The following NAPA variants were observed in gnomAD, a reference collection of about 807,000 sequenced individuals.
NAPA encodes the protein NSF attachment protein alpha.
A neutral mutation model predicts 48.0 loss-of-function variants in NAPA; 18 were observed. The observed-to-expected ratio is 0.38, with a 90% confidence interval of 0.26 to 0.56. The LOEUF is 0.56. Ranked by LOEUF, NAPA falls within the 20% of genes least tolerant of loss-of-function variation. NAPA has a pLI of 0.77. For missense variants in NAPA, 315 were observed against 385.0 expected (o/e 0.82, Z 1.52); for synonymous variants, 152 against 149.9 (o/e 1.01, Z -0.10).
intron 3 of NAPA, chr19:47,497,127 G>C (rs1217387101): frequency 5.0e-5 from 11 of 221,102 alleles, no homozygotes; most frequent in East Asian, 4.3e-4. Context: ...GAGAGCAGCA[G>C]CTGGAGTGAG....
chr19:47,498,571 C>T (rs2122750990), intron 3 of NAPA, among the ~76,000 whole-genome samples: 1 of 152,326 alleles, frequency 6.6e-6, no homozygotes. Context: ...CACACAGTTG[C>T]TACATGACAT....
intron 10 of NAPA, 29 bp downstream of exon 10, chr19:47,489,682 G>A (rs369515934): frequency 1.2e-5 from 20 of 1,613,104 alleles, no homozygotes; most frequent in Non-Finnish European, 1.6e-5. Flanking sequence ...CCCCGTGAAG[G>A]GGCCTGGCCC....
rs760785008 is a variant in NAPA at position 47,488,243 on chromosome 19, G to C, written c.*45C>G. 1 of 1,532,150 alleles carries C rather than the reference G, an allele frequency of 6.5e-7. No homozygotes were observed. The highest frequency in any genetic ancestry group is 9.0e-7 in the Non-Finnish European group (1 of 1,115,120). The allele number at this position is 1,532,150 out of a possible 1,614,324, so 94.9% of individuals were successfully genotyped here. On this transcript the variant is annotated 3_prime_UTR_variant, in exon 11 of 11. Transcript: ENST00000263354. ...GCAAGTCTCGGCCCCACCTCTCTCT[G>C]AGCAGATGGGACAGGAAGACGGGCA...
At chr19:47,499,130 G>C (rs1434929462) in intron 3 of NAPA, among the ~76,000 whole-genome samples, 1 of 152,226 alleles carries the variant, frequency 6.6e-6, no homozygotes, top group South Asian at 2.1e-4. Flanking sequence ...ACACCCTGCA[G>C]AGTCTCGCTG....
downstream of NAPA, among the ~76,000 whole-genome samples, chr19:47,486,081 C>T (rs1229881754): frequency 6.6e-6 from 1 of 152,170 alleles, no homozygotes; most frequent in Non-Finnish European, 1.5e-5. Context: ...ACAGGCCGGG[C>T]CTGGTGGCTC....
chr19:47,487,214 C>T (rs2122713769), downstream of NAPA, among the ~76,000 whole-genome samples: 1 of 152,326 alleles, frequency 6.6e-6, no homozygotes, highest in East Asian at 1.9e-4. Context: ...ACAGATGGAA[C>T]AACTGTCACC....
intron 3 of NAPA, among the ~76,000 whole-genome samples, chr19:47,499,700 A>G (rs1275672638): frequency 6.6e-6 from 1 of 152,228 alleles, no homozygotes; most frequent in Non-Finnish European, 1.5e-5. Context: ...CTGGGAACTA[A>G]CACGTCAGAT....
rs966988447 is a variant in NAPA, at chr19:47,493,596, G to C, written c.343-103C>G. ...GTTCCCACCCCTCAGCCACGCCTGT[G>C]AGGAGGTATGAAGAAGACCTGAGGT... On this transcript the variant is annotated intron_variant, in intron 4 of 10. Transcript: ENST00000263354. This position sits in a 1 kb window ranked among gnomAD's most constrained non-coding sequence, Gnocchi z 6.4. 1.6e-5 allele frequency: 15 copies of C among 954,292 alleles called. No individual in the cohort carries two copies. The highest frequency in any genetic ancestry group is 2.1e-4 in the Middle Eastern group (1 of 4,764). 59.1% of individuals were successfully genotyped at this position (954,292 alleles called of 1,614,324 possible).
Position 47,492,089 on chromosome 19 carries a change from G to A in NAPA, c.592C>T (p.Leu198Phe), listed in dbSNP as rs756495019. Reference protein sequence around the residue: ...VGTNAMDSPLLKYSAKDYFFK... With the variant: ...VGTNAMDSPLFKYSAKDYFFK... Reference sequence around the variant, plus strand: ...AAGTAGTCTTTGGCGCTGTACTTGAGGAGGGGGCTGTCCATGGCATTGGTC... The same window carrying A: ...AAGTAGTCTTTGGCGCTGTACTTGAAGAGGGGGCTGTCCATGGCATTGGTC... The change falls in exon 8 of 11, where the codon CTC (leucine) becomes TTC (phenylalanine). Residue 198 changes from leucine to phenylalanine, a missense_variant. Leu to Phe is a conservative substitution (Grantham distance 22). This residue lies in a region of NAPA where 137 missense variants were observed against 150.1 expected (regional missense o/e 0.91). Coordinates refer to ENST00000263354, the MANE Select transcript of NAPA (RefSeq NM_003827.4). 8.1e-6 allele frequency: 13 copies of A among 1,614,018 alleles called. No individual in the cohort carries two copies. The African/African-American group carries it at 1.7e-4, about 22-fold the overall frequency.
intron 1 of NAPA, among the ~76,000 whole-genome samples, chr19:47,514,261 T>G (rs1968862498): frequency 6.6e-6 from 1 of 152,040 alleles, no homozygotes; most frequent in Non-Finnish European, 1.5e-5. Flanking sequence ...CATCTAGCCC[T>G]GAGCCCCTCT....
chr19:47,502,636 C>T (rs1968605058), intron 2 of NAPA, among the ~76,000 whole-genome samples: 1 of 152,204 alleles, frequency 6.6e-6, no homozygotes, highest in Non-Finnish European at 1.5e-5. Context: ...CACTGGGTCT[C>T]TTGCCGTATT....
At chr19:47,486,986 A>G (rs1410915796), downstream of NAPA, among the ~76,000 whole-genome samples, 3 of 152,154 alleles carry the variant, frequency 2.0e-5, no homozygotes, top group Non-Finnish European at 4.4e-5. Flanking sequence ...AGCCTCCTTC[A>G]GCTGTCTCCT....
At chr19:47,511,500 G>C (rs1968804452) in intron 1 of NAPA, among the ~76,000 whole-genome samples, 1 of 152,200 alleles carries the variant, frequency 6.6e-6, no homozygotes, top group African/African-American at 2.4e-5. Flanking sequence ...AACAGCCATG[G>C]GAGGACAGTT....
At position 47,514,846 on chromosome 19, in the gene NAPA, A is replaced by C; in HGVS notation, c.95T>G (p.Phe32Cys). ...GACCCCTCAGCCCGGTTCTCACCCA[A>C]AGAGGCCAGAGAAGAAGGACTGCGA... ...KNSQSFFSGL[F>C]GGSSKIEEAC... The change falls in exon 1 of 11, where the codon TTT becomes TGT. Residue 32 changes from phenylalanine (F) to cysteine (C), a missense_variant. Coordinates refer to ENST00000263354, the MANE Select transcript of NAPA (RefSeq NM_003827.4). 6.2e-7 allele frequency: 1 copy of C among 1,613,828 alleles called. No individual in the cohort carries two copies. The highest frequency in any genetic ancestry group is 8.5e-7 in the Non-Finnish European group (1 of 1,179,874).
Position 47,492,016 on chromosome 19 carries a change from T to C in NAPA, c.665A>G (p.Lys222Arg). ...CHFCIDMLNAKLAVQKYEELF... is the reference protein window; with the variant it reads ...CHFCIDMLNARLAVQKYEELF... The stretch of plus-strand genomic sequence containing the variant: ...TCCTGCGGGCGTGGGGTGTGCTACC[T>C]TGGCGTTGAGCATGTCGATGCAGAA... Residue 222 changes from lysine (K) to arginine (R), a missense_variant and splice_region_variant, in exon 8 of 11, where the codon AAG (lysine) becomes AGG (arginine). Coordinates refer to ENST00000263354, the MANE Select transcript of NAPA (RefSeq NM_003827.4). 1.9e-6 allele frequency: 3 copies of C among 1,613,680 alleles called. No individual in the cohort carries two copies. The highest frequency in any genetic ancestry group is 1.1e-5 in the South Asian group (1 of 91,050).
At position 47,503,448 on chromosome 19, in the gene NAPA, C is replaced by T; in HGVS notation, c.153G>A (p.Met51Ile). Residue 51 changes from methionine to isoleucine, a missense_variant, in exon 2 of 11, where the codon ATG (methionine) becomes ATA (isoleucine). By Grantham distance (10) the Met-to-Ile change is conservative. Transcript: ENST00000263354. ...ACEIYARAANMFKMAKNWSAA... is the reference protein window; with the variant it reads ...ACEIYARAANIFKMAKNWSAA... ...CACTCCAGTTTTTGGCCATTTTGAACATGTTTGCTGCTCTGGCGTAGATTT... is the reference window on the plus strand; with the variant it reads ...CACTCCAGTTTTTGGCCATTTTGAATATGTTTGCTGCTCTGGCGTAGATTT... 1 of 1,614,240 alleles carries T rather than the reference C, an allele frequency of 6.2e-7. No individual in the cohort carries two copies. Among genetic ancestry groups the T allele is most frequent in the Non-Finnish European group, 8.5e-7 (1 of 1,180,038 alleles).
intron 1 of NAPA, among the ~76,000 whole-genome samples, chr19:47,512,019 C>T (rs1395015866): frequency 6.6e-6 from 1 of 152,186 alleles, no homozygotes; most frequent in Non-Finnish European, 1.5e-5. Flanking sequence ...CCTTGTCTGG[C>T]CTCACCTGCC....
chr19:47,507,990 A>G (rs1238703071), intron 1 of NAPA, among the ~76,000 whole-genome samples: 4 of 152,252 alleles, frequency 2.6e-5, no homozygotes, highest in Admixed American at 1.3e-4. Flanking sequence ...TTGGGAAAAT[A>G]AGGAGGGAGG....
intron 1 of NAPA, among the ~76,000 whole-genome samples, chr19:47,511,623 G>C (rs890657191): frequency 6.6e-6 from 1 of 152,196 alleles, no homozygotes; most frequent in Non-Finnish European, 1.5e-5. Context: ...ACAGCAAAGG[G>C]GCTAAGTGAG....
Sources: gnomAD v4.1 joint callset for allele counts (sites outside exome capture counted in the v4.1 genomes callset) on GRCh38, gnomAD v4.1.1 for gene constraint, gnomAD v4.1.1 regional missense constraint, Gnocchi (gnomAD v3.1) non-coding constraint, MANE v1.5 for transcripts, NCBI Gene and HGNC (gene_info 2026-07-23, HGNC 2026-07-21) for gene names.